Variants in ZFHX3 observed in about 807,000 individuals in gnomAD.
ZFHX3 encodes the protein zinc finger homeobox 3, also known as zinc finger homeobox protein 3.
In ZFHX3, 42 loss-of-function variants were observed where a neutral mutation model predicts 279.1. That is an observed-to-expected ratio of 0.15 (90% CI 0.12 to 0.19). The LOEUF is 0.19. Among genes scored for constraint, ZFHX3 ranks in the 10% least tolerant of loss-of-function variants. The pLI, the probability that ZFHX3 is intolerant of heterozygous loss-of-function variation, is 1.00. For missense variants in ZFHX3, 4,981 were observed against 4,754.0 expected (o/e 1.05, Z -1.40); for synonymous variants, 2,293 against 1,957.8 (o/e 1.17, Z -4.52).
chr16:73,807,620 A>ATTTTTTTTTTTTTTTTTTTTT (rs55806545), intron 1 of ZFHX3, among the ~76,000 whole-genome samples: 1 of 70,548 alleles, frequency 1.4e-5, no homozygotes, highest in African/African-American at 5.5e-5. Flanking sequence ...CCATGCCCCA[A>ATTTTTTTTTTTTTTTTTTTTT]TTTTTTTTTT....
In ZFHX3 at chr16:72,889,801, C is replaced by T. The variant is rs141261851; in HGVS notation, c.3378G>A (p.Lys1126=). 1.1e-3 allele frequency: 1,720 copies of T among 1,613,748 alleles called. 7 individuals carry two copies. The highest frequency in any genetic ancestry group is 0.01 in the Middle Eastern group (59 of 5,678). ...ESLRKLQRLQ[K]GLPEEDEDLG... ...GGTCCTCGTCCTCCTCTGGAAGGCC[C>T]TTCTGCAGCCGCTGCAGCTTTCGCA... Residue 1126 remains lysine, a synonymous_variant, in exon 4 of 10, where the codon AAG becomes AAA. Coordinates refer to ENST00000268489, the MANE Select transcript of ZFHX3 (RefSeq NM_006885.4).
rs377280756 is a variant in ZFHX3, at chr16:73,265,068, C to T, written c.-1193-7932G>A. Among the ~76,000 whole-genome samples the T allele has an allele frequency of 3.4e-3, 422 of 125,782 alleles. 5 individuals are homozygous for T. The highest frequency in any genetic ancestry group is 0.012 in the African/African-American group (410 of 35,634). 82.5% of individuals were successfully genotyped at this position (125,782 alleles called of 152,430 possible). ...GCGCATATATATAATAGCACCTCAG[C>T]GCATATATGCGTGTGTGTGTGTGTG... On this transcript the variant is annotated intron_variant, in intron 4 of 17. Transcript: ENST00000641206.
chr16:73,731,188 A>T lies in ZFHX3; in HGVS notation c.-1607-50948T>A, dbSNP rs1306842047. ...TAGCAGTGAAGACTTGTCTGCGTGT[A>T]TCAGAAGGAATAAAGAGAGAAACGT... On this transcript the variant is annotated intron_variant, in intron 1 of 17. Transcript: ENST00000641206. 2.0e-5 allele frequency among the ~76,000 whole-genome samples: 3 copies of T among 152,226 alleles called. No homozygotes were observed. In the East Asian group the frequency reaches 5.8e-4, roughly 29 times the overall value.
At chr16:72,806,308 GA>G (rs1203425278) in intron 7 of ZFHX3, among the ~76,000 whole-genome samples, 2 of 152,200 alleles carry the variant, frequency 1.3e-5, no homozygotes, top group Non-Finnish European at 2.9e-5. Context: ...CTGAGGATGA[GA>G]AAGATTGAAA....
At position 73,107,224 on chromosome 16, in the gene ZFHX3, T is replaced by C. The variant is rs1458660349; in HGVS notation, c.-896-13626A>G. On this transcript the variant is annotated intron_variant, in intron 7 of 17. Transcript: ENST00000641206. The stretch of plus-strand genomic sequence containing the variant: ...ACTCGGGACTCTGAGGCAGGAGAAT[T>C]GCTTAAATCTAGGAGGCAGAGGTTG... Among the ~76,000 whole-genome samples the C allele has an allele frequency of 3.3e-5, 5 of 152,090 alleles. No individual in the cohort carries two copies. In the East Asian group the frequency reaches 5.8e-4, roughly 18 times the overall value.
At chr16:72,917,078 A>T in intron 3 of ZFHX3, among the ~76,000 whole-genome samples, 1 of 152,176 alleles carries the variant, frequency 6.6e-6, no homozygotes, top group East Asian at 1.9e-4. Flanking sequence ...ATCGCTACAA[A>T]AAAAACACAA....
Position 73,373,634 on chromosome 16 carries a change from G to A in ZFHX3, c.-1290-55298C>T, listed in dbSNP as rs368921283. 7.2e-5 allele frequency among the ~76,000 whole-genome samples: 11 copies of A among 152,318 alleles called. 2 individuals carry two copies. The highest frequency in any genetic ancestry group is 1.3e-4 in the Admixed American group (2 of 15,306). Reference sequence around the variant, plus strand: ...AAAGTATAGGTTCTGCTAAGGACAGGTGCATGAGATTATCTGTGTTCAAAG... The same window carrying A: ...AAAGTATAGGTTCTGCTAAGGACAGATGCATGAGATTATCTGTGTTCAAAG... On this transcript the variant is annotated intron_variant, in intron 3 of 17. Transcript: ENST00000641206.
intron 1 of ZFHX3, among the ~76,000 whole-genome samples, chr16:73,879,939 C>A (rs1660167674): frequency 6.6e-6 from 1 of 152,060 alleles, no homozygotes; most frequent in African/African-American, 2.4e-5. Context: ...GTTATAGGAT[C>A]CTAATTTCAA....
At chr16:73,097,315 C>G (rs1298804426) in intron 7 of ZFHX3, among the ~76,000 whole-genome samples, 1 of 151,354 alleles carries the variant, frequency 6.6e-6, no homozygotes, top group East Asian at 1.9e-4. Context: ...CAATCCTCCC[C>G]ACTTGGCCTC....
chr16:73,760,393 A>G (rs1415983603), intron 1 of ZFHX3, among the ~76,000 whole-genome samples: 1 of 152,146 alleles, frequency 6.6e-6, no homozygotes, highest in African/African-American at 2.4e-5. Flanking sequence ...TTCTGAAACT[A>G]TTCCAAACAA....
intron 3 of ZFHX3, chr16:73,389,080 T>C (rs888296224): frequency 1.3e-5 from 2 of 152,186 alleles, no homozygotes; most frequent in African/African-American, 4.8e-5. Context: ...ATATGTATAT[T>C]GTATATCAGT....
chr16:73,718,846 C>T (rs1005122233), intron 1 of ZFHX3, among the ~76,000 whole-genome samples: 1 of 152,056 alleles, frequency 6.6e-6, no homozygotes, highest in Non-Finnish European at 1.5e-5. Context: ...AAACTCCTGA[C>T]CTCGTGATCT....
chr16:73,026,673 CAAA>C (rs10561679), intron 1 of ZFHX3, among the ~76,000 whole-genome samples: 13,203 of 79,614 alleles, frequency 0.17, 849 homozygotes, highest in Admixed American at 0.35. Flanking sequence ...AAAACTGCCT[CAAA>C]AAAAAAAAAA....
chr16:73,731,492 G>C (rs2053569376), intron 1 of ZFHX3, among the ~76,000 whole-genome samples: 1 of 151,252 alleles, frequency 6.6e-6, no homozygotes, highest in Non-Finnish European at 1.5e-5. Context: ...GAAAAACAAA[G>C]AAAATCTCTA....
chr16:73,321,462 C>T (rs1443587175), intron 3 of ZFHX3, among the ~76,000 whole-genome samples: 1 of 152,170 alleles, frequency 6.6e-6, no homozygotes, highest in Non-Finnish European at 1.5e-5. Context: ...AGGGCATGTA[C>T]ATTTTATGAA....
In ZFHX3 at chr16:73,171,316, C is replaced by T. The variant is rs180936975; in HGVS notation, c.-1103-27485G>A. ...AAACTGGGCTGTTCCGGGGAAATGCCGAGGTATCTTCAAGGAAACTGTAGG... is the reference window on the plus strand; with the variant it reads ...AAACTGGGCTGTTCCGGGGAAATGCTGAGGTATCTTCAAGGAAACTGTAGG... On this transcript the variant is annotated intron_variant, in intron 5 of 17. Coordinates refer to the ZFHX3 transcript ENST00000641206. Among the ~76,000 whole-genome samples the T allele has an allele frequency of 5.2e-4, 79 of 152,112 alleles. 1 individual carries two copies. Among genetic ancestry groups the T allele is most frequent in the Admixed American group, 5.1e-3 (78 of 15,290 alleles).
chr16:73,637,144 G>T (rs2052534114), intron 2 of ZFHX3, among the ~76,000 whole-genome samples: 1 of 151,652 alleles, frequency 6.6e-6, no homozygotes, highest in Admixed American at 6.6e-5. Flanking sequence ...AAATCAATAG[G>T]AAAGCTGGGC....
intron 2 of ZFHX3, among the ~76,000 whole-genome samples, chr16:73,593,665 T>A (rs553353037): frequency 1.3e-5 from 2 of 152,128 alleles, no homozygotes; most frequent in African/African-American, 4.8e-5. Flanking sequence ...GCAAATCCTA[T>A]GACATATATA....
At chr16:73,295,269 CTT>C (rs2014881950) in intron 4 of ZFHX3, among the ~76,000 whole-genome samples, 1 of 152,182 alleles carries the variant, frequency 6.6e-6, no homozygotes, top group Non-Finnish European at 1.5e-5. Context: ...ATGGCCAACT[CTT>C]GACTTTTCAA....
Sources: gnomAD v4.1 joint callset for allele counts (sites outside exome capture counted in the v4.1 genomes callset) on GRCh38, gnomAD v4.1.1 for gene constraint, MANE v1.5 for transcripts, NCBI Gene and HGNC (gene_info 2026-07-23, HGNC 2026-07-21) for gene names.